Variants in TCF12 observed in about 807,000 individuals in gnomAD.
TCF12 encodes the protein DNA-binding protein HTF4.
A neutral mutation model predicts 86.0 loss-of-function variants in TCF12; 45 were observed. The ratio of observed to expected loss-of-function variants is 0.52; its 90% confidence interval spans 0.41 to 0.67. The LOEUF is 0.67. Among genes scored for constraint, TCF12 ranks in the 30% least tolerant of loss-of-function variants. The pLI is 0.00. For synonymous variants in TCF12, 330 were observed against 299.6 expected (o/e 1.10, Z -1.05); for missense variants, 881 against 859.9 (o/e 1.02, Z -0.31).
At chr15:56,930,889 A>G (rs558972284) in intron 3 of TCF12, among the ~76,000 whole-genome samples, 13 of 151,914 alleles carry the variant, frequency 8.6e-5, no homozygotes, top group East Asian at 1.9e-4. Flanking sequence ...GACATTCTCT[A>G]TTTTCCTAGT....
chr15:57,137,629 A>G (rs183993263), intron 5 of TCF12, among the ~76,000 whole-genome samples: 260 of 152,318 alleles, frequency 1.7e-3, no homozygotes, highest in African/African-American at 6.1e-3. Flanking sequence ...TGCAACTGCT[A>G]TCTAGATTTT....
chr15:57,126,055 A>G (rs1381665780), intron 5 of TCF12, among the ~76,000 whole-genome samples: 1 of 152,118 alleles, frequency 6.6e-6, no homozygotes, highest in African/African-American at 2.4e-5. Context: ...ACATGATGAA[A>G]CCACGTCCCT....
chr15:57,071,539 G>T, intron 4 of TCF12, among the ~76,000 whole-genome samples: 1 of 152,066 alleles, frequency 6.6e-6, no homozygotes, highest in Non-Finnish European at 1.5e-5. Context: ...GGAGGCTCAG[G>T]CAGGAGAATC....
chr15:57,235,285 C>T (rs546109752), intron 12 of TCF12, among the ~76,000 whole-genome samples: 223 of 152,296 alleles, frequency 1.5e-3, no homozygotes, highest in Middle Eastern at 0.01. Context: ...TTCATTTAAT[C>T]CTCAAGAAAG....
In TCF12 at chr15:56,962,086, C is replaced by T. The variant is rs1273661858; in HGVS notation, c.148+40988C>T. ...AGGCGGAGCTTGCAGTGAGCCGAGA[C>T]TGCGCCACTGTACTCCAGCCTGGGT... On this transcript the variant is annotated intron_variant, in intron 3 of 20. Transcript: ENST00000333725. Among the ~76,000 whole-genome samples the T allele has an allele frequency of 1.6e-4, 23 of 142,982 alleles. No homozygotes were observed. In the South Asian group the frequency reaches 3.7e-3, roughly 23 times the overall value. 93.8% of individuals were successfully genotyped at this position (142,982 alleles called of 152,430 possible).
chr15:56,942,669 G>A (rs1346799405), intron 3 of TCF12, among the ~76,000 whole-genome samples: 1 of 152,070 alleles, frequency 6.6e-6, no homozygotes, highest in Non-Finnish European at 1.5e-5. Flanking sequence ...TTTTGATATG[G>A]CTCAACTGGT....
At chr15:57,038,553 A>G (rs567189001) in intron 3 of TCF12, among the ~76,000 whole-genome samples, 3 of 152,202 alleles carry the variant, frequency 2.0e-5, no homozygotes, top group Non-Finnish European at 2.9e-5. Flanking sequence ...TCAGAGTTCT[A>G]GAGGTGATTC....
At chr15:57,227,122 A>G (rs539225280) in intron 8 of TCF12, among the ~76,000 whole-genome samples, 10 of 152,230 alleles carry the variant, frequency 6.6e-5, no homozygotes, top group Admixed American at 1.3e-4. Context: ...CAGGCTGTAG[A>G]TCTGATTTTT....
chr15:57,213,491 G>A (rs550495920), intron 8 of TCF12, among the ~76,000 whole-genome samples: 13 of 152,232 alleles, frequency 8.5e-5, no homozygotes, highest in African/African-American at 3.1e-4. Flanking sequence ...ATAGATTGGG[G>A]ACCAAAAAAT....
In TCF12 at chr15:57,225,246, T is replaced by TTTG. The variant is rs1289943518; in HGVS notation, c.580-5904_580-5903insGTT. 4.2e-4 allele frequency among the ~76,000 whole-genome samples: 57 copies of TTTG among 135,216 alleles called. 1 individual carries two copies. The highest frequency in any genetic ancestry group is 1.5e-3 in the African/African-American group (50 of 34,072). The allele number at this position is 135,216 out of a possible 152,430, so 88.7% of individuals were successfully genotyped here. A position where few individuals can be genotyped will look rare whatever the true frequency, so the allele number is the denominator to read the frequency against. On this transcript the variant is annotated intron_variant, in intron 8 of 20. Transcript: ENST00000333725. ...TTTTTTTTTTTTTTTTTTTTTTTTTTTTTTTAAGACGGAGTCTTGCACTGT... is the reference window on the plus strand; with the variant it reads ...TTTTTTTTTTTTTTTTTTTTTTTTTTTTGTTTTTAAGACGGAGTCTTGCACTGT...
At position 57,192,166 on chromosome 15, in the gene TCF12, C is replaced by T; in HGVS notation, c.399C>T (p.Leu133=). ...DTGLPGCQSS[L]LRQDLGLGSP... is the part of the protein sequence containing the mutation. ...TTGGCCTTATTTTATAGTCTAGTCT[C>T]CTGAGACAAGATCTGGGGCTTGGGA... The change falls in exon 7 of 21, where the codon CTC becomes CTT. Residue 133 remains leucine (L), a synonymous_variant. Coordinates refer to ENST00000333725, the MANE Select transcript of TCF12 (RefSeq NM_207037.2). 6.2e-7 allele frequency: 1 copy of T among 1,613,822 alleles called. No individual in the cohort carries two copies. The highest frequency in any genetic ancestry group is 8.5e-7 in the Non-Finnish European group (1 of 1,179,962).
intron 16 of TCF12, among the ~76,000 whole-genome samples, chr15:57,254,551 T>C (rs2060257372): frequency 6.6e-6 from 1 of 152,008 alleles, no homozygotes; most frequent in Non-Finnish European, 1.5e-5. Flanking sequence ...TGTCAAAACA[T>C]ATGTAAGTTA....
chr15:57,165,708 T>C (rs1156942900), intron 5 of TCF12, among the ~76,000 whole-genome samples: 2 of 151,900 alleles, frequency 1.3e-5, no homozygotes, highest in African/African-American at 4.8e-5. Flanking sequence ...GGCTAATTTT[T>C]TGTATTTTTA....
chr15:57,092,284 T>G (rs2049040476), intron 5 of TCF12, among the ~76,000 whole-genome samples: 1 of 152,218 alleles, frequency 6.6e-6, no homozygotes, highest in African/African-American at 2.4e-5. Context: ...TTAGGCAGAC[T>G]TTACTTGCAT....
At chr15:57,044,058 C>T (rs1223482805) in intron 3 of TCF12, among the ~76,000 whole-genome samples, 1 of 151,816 alleles carries the variant, frequency 6.6e-6, no homozygotes, top group Non-Finnish European at 1.5e-5. Flanking sequence ...TCAGATTGGA[C>T]ACTTTCAAAT....
chr15:57,170,642 A>AT (rs1471733380), intron 6 of TCF12, among the ~76,000 whole-genome samples: 3 of 31,320 alleles, frequency 9.6e-5, no homozygotes, highest in Admixed American at 4.3e-4. Context: ...ATATATATAT[A>AT]ATATATATAT....
At chr15:57,225,146 G>A (rs898045149) in intron 8 of TCF12, among the ~76,000 whole-genome samples, 12 of 148,194 alleles carry the variant, frequency 8.1e-5, no homozygotes, top group South Asian at 2.1e-4. Context: ...TTTGATTACC[G>A]AAGGAACAAG....
intron 5 of TCF12, among the ~76,000 whole-genome samples, chr15:57,144,626 TCTCA>T (rs2053227351): frequency 6.6e-6 from 1 of 152,154 alleles, no homozygotes; most frequent in African/African-American, 2.4e-5. Context: ...TGAGACAGCT[TCTCA>T]CTCTGTAATC....
At chr15:56,979,933 G>C (rs1474973550) in intron 3 of TCF12, among the ~76,000 whole-genome samples, 1 of 152,184 alleles carries the variant, frequency 6.6e-6, no homozygotes, top group Non-Finnish European at 1.5e-5. Context: ...CAGTGGATTT[G>C]TGTCTGTATT....
Sources: gnomAD v4.1 joint callset for allele counts (sites outside exome capture counted in the v4.1 genomes callset) on GRCh38, gnomAD v4.1.1 for gene constraint, MANE v1.5 for transcripts, NCBI Gene and HGNC (gene_info 2026-07-23, HGNC 2026-07-21) for gene names.